Variants in SGCZ observed in about 807,000 individuals in gnomAD.
SGCZ encodes sarcoglycan zeta.
Under a neutral mutation model 41.3 loss-of-function variants are expected in SGCZ, and 40 were observed. That is an observed-to-expected ratio of 0.97 (90% CI 0.75 to 1.26). SGCZ has a LOEUF of 1.26. SGCZ is among the 50% of genes most tolerant of loss of function. SGCZ has a pLI of 0.00. For missense variants in SGCZ, 552 were observed against 369.8 expected (o/e 1.49, Z -4.04); for synonymous variants, 206 against 137.5 (o/e 1.50, Z -3.49).
intron 4 of SGCZ, among the ~76,000 whole-genome samples, chr8:14,179,454 C>T (rs764818156): frequency 2.0e-5 from 3 of 152,132 alleles, no homozygotes; most frequent in African/African-American, 4.8e-5. Flanking sequence ...CAGGAGCTAC[C>T]ACAAGGGTTC....
chr8:14,649,908 G>C (rs1807342717), intron 1 of SGCZ, among the ~76,000 whole-genome samples: 1 of 151,980 alleles, frequency 6.6e-6, no homozygotes, highest in South Asian at 2.1e-4. Context: ...AGAAGATTGT[G>C]AGTTCACCAC....
chr8:14,118,370 T>C (rs13264723), intron 5 of SGCZ, among the ~76,000 whole-genome samples: 51,400 of 151,826 alleles, frequency 0.34, 10,958 homozygotes, highest in Non-Finnish European at 0.49. Flanking sequence ...ATGTCTTCTT[T>C]TGAGAAGTGT....
intron 2 of SGCZ, among the ~76,000 whole-genome samples, chr8:14,393,744 G>A (rs1804873344): frequency 6.6e-6 from 1 of 152,040 alleles, no homozygotes; most frequent in South Asian, 2.1e-4. Context: ...ACAAACCCCA[G>A]GGTATACACC....
intron 3 of SGCZ, among the ~76,000 whole-genome samples, chr8:14,314,236 C>G (rs569303732): frequency 6.6e-6 from 1 of 152,048 alleles, no homozygotes; most frequent in Non-Finnish European, 1.5e-5. Flanking sequence ...TATTATTTAG[C>G]AACTTCAAAC....
chr8:15,166,237 T>A (rs1426959518), intron 1 of SGCZ, among the ~76,000 whole-genome samples: 1 of 151,350 alleles, frequency 6.6e-6, no homozygotes, highest in African/African-American at 2.4e-5. Context: ...CAATCCTTTT[T>A]TTTTTCTTTT....
intron 2 of SGCZ, among the ~76,000 whole-genome samples, chr8:14,498,678 G>T (rs2117046612): frequency 6.6e-6 from 1 of 151,766 alleles, no homozygotes; most frequent in East Asian, 1.9e-4. Flanking sequence ...TCATTATACT[G>T]TTTAACACTT....
intron 5 of SGCZ, among the ~76,000 whole-genome samples, chr8:14,123,644 T>G (rs1460107333): frequency 6.6e-6 from 1 of 152,140 alleles, no homozygotes; most frequent in Non-Finnish European, 1.5e-5. Context: ...AACTATTGCT[T>G]CTATCTTCTA....
At chr8:14,484,247 C>G (rs192511541) in intron 2 of SGCZ, among the ~76,000 whole-genome samples, 214 of 152,174 alleles carry the variant, frequency 1.4e-3, no homozygotes, top group African/African-American at 5.0e-3. Context: ...CCATTTCTAT[C>G]ATAGTTTGCT....
At chr8:14,223,548 A>ATTTT (rs58761860) in intron 4 of SGCZ, among the ~76,000 whole-genome samples, 4 of 152,048 alleles carry the variant, frequency 2.6e-5, no homozygotes, top group Admixed American at 1.3e-4. Flanking sequence ...ATATATATAT[A>ATTTT]TTTTAACAGA....
chr8:14,727,845 G>T (rs1195272791), intron 1 of SGCZ, among the ~76,000 whole-genome samples: 1 of 152,030 alleles, frequency 6.6e-6, no homozygotes, highest in Non-Finnish European at 1.5e-5. Flanking sequence ...AAAACTGAAA[G>T]AAATTCATAT....
intron 1 of SGCZ, among the ~76,000 whole-genome samples, chr8:14,995,136 T>C (rs1283497660): frequency 1.3e-5 from 2 of 152,240 alleles, no homozygotes; most frequent in Non-Finnish European, 2.9e-5. Flanking sequence ...ATCAGAGGCC[T>C]TGGGGCCATG....
At chr8:14,685,122 T>C (rs1808569964) in intron 1 of SGCZ, among the ~76,000 whole-genome samples, 1 of 152,130 alleles carries the variant, frequency 6.6e-6, no homozygotes, top group Non-Finnish European at 1.5e-5. Context: ...TAAAACTAAG[T>C]TTAAATATTC....
At chr8:14,234,659 A>G (rs1295664618) in intron 4 of SGCZ, among the ~76,000 whole-genome samples, 1 of 152,082 alleles carries the variant, frequency 6.6e-6, no homozygotes, top group African/African-American at 2.4e-5. Flanking sequence ...GGCCATACAC[A>G]TAAAAACTGA....
intron 1 of SGCZ, among the ~76,000 whole-genome samples, chr8:14,940,171 A>C (rs941939192): frequency 2.0e-5 from 3 of 152,146 alleles, no homozygotes; most frequent in Non-Finnish European, 4.4e-5. Flanking sequence ...TAACAACCCA[A>C]GTTCTTCAGA....
At chr8:14,971,457 T>G (rs1801294640) in intron 1 of SGCZ, among the ~76,000 whole-genome samples, 1 of 152,176 alleles carries the variant, frequency 6.6e-6, no homozygotes, top group African/African-American at 2.4e-5. Flanking sequence ...CTATTCCTAC[T>G]TTCCTGAGAA....
chr8:14,812,760 C>T (rs934675298), intron 1 of SGCZ, among the ~76,000 whole-genome samples: 8 of 152,090 alleles, frequency 5.3e-5, no homozygotes, highest in African/African-American at 1.9e-4. Flanking sequence ...GAAGATTTAA[C>T]TTAACAGTGC....
At chr8:14,753,382 G>A (rs1326346127) in intron 1 of SGCZ, among the ~76,000 whole-genome samples, 2 of 151,786 alleles carry the variant, frequency 1.3e-5, no homozygotes, top group Non-Finnish European at 2.9e-5. Flanking sequence ...TCTCATCTTC[G>A]GCCAGGTTTT....
chr8:14,267,736 G>C (rs1011495191), intron 3 of SGCZ, among the ~76,000 whole-genome samples: 1 of 152,008 alleles, frequency 6.6e-6, no homozygotes, highest in Non-Finnish European at 1.5e-5. Context: ...TCTGTATGTA[G>C]TGTGAGGAGT....
intron 1 of SGCZ, among the ~76,000 whole-genome samples, chr8:14,588,067 A>G (rs1201929311): frequency 1.3e-5 from 2 of 152,126 alleles, no homozygotes; most frequent in Non-Finnish European, 2.9e-5. Context: ...ACACATATAT[A>G]TTTCAAACAT....
Sources: allele counts gnomAD v4.1 joint callset (sites outside exome capture counted in the v4.1 genomes callset), GRCh38; gene constraint gnomAD v4.1.1; transcripts MANE v1.5; gene names NCBI Gene and HGNC (gene_info 2026-07-23, HGNC 2026-07-21).